The following SMG6 variants were observed in gnomAD, a reference collection of about 807,000 sequenced individuals.
SMG6 encodes the protein SMG6 nonsense mediated mRNA decay factor.
In SMG6, 66 loss-of-function variants were observed where a neutral mutation model predicts 142.2. The ratio of observed to expected loss-of-function variants is 0.46; its 90% CI spans 0.38 to 0.57. The LOEUF is 0.57. SMG6 is among the 20% of genes least tolerant of loss of function. SMG6 has a pLI of 0.00. For synonymous variants in SMG6, 779 were observed against 702.4 expected, an observed-to-expected ratio of 1.11 and a Z score of -1.72; for missense variants, 1,793 against 1,832.0, an observed-to-expected ratio of 0.98 and a Z score of 0.39.
chr17:2,191,879 T>C (rs1258103675), intron 10 of SMG6, among the ~76,000 whole-genome samples: 1 of 152,250 alleles, frequency 6.6e-6, no homozygotes, highest in African/African-American at 2.4e-5. Context: ...AAGGCTGCCA[T>C]GTGGCCGGAT....
chr17:2,137,256 T>C (rs769588315), intron 13 of SMG6, among the ~76,000 whole-genome samples: 1 of 152,042 alleles, frequency 6.6e-6, no homozygotes, highest in African/African-American at 2.4e-5. Context: ...ACCACACTAA[T>C]AGGTAGACAG....
At position 2,144,985 on chromosome 17, in the gene SMG6, C is replaced by T. The variant is rs560969923; in HGVS notation, c.3357+27673G>A. On this transcript the variant is annotated intron_variant, in intron 13 of 18. Transcript: ENST00000263073. ...AGAAATCATCAGGGCAAGCACCAGC[C>T]AGCTTTGGCACTCGCTTACTTTTCA... 2.0e-5 allele frequency among the ~76,000 whole-genome samples: 3 copies of T among 152,308 alleles called. No individual in the cohort carries two copies. The South Asian group carries it at 6.2e-4, about 32-fold the overall frequency.
intron 10 of SMG6, among the ~76,000 whole-genome samples, chr17:2,223,947 A>G (rs924446805): frequency 2.6e-5 from 4 of 152,198 alleles, no homozygotes; most frequent in Admixed American, 1.3e-4. Context: ...GAAAAGAAAG[A>G]AAGTCTGAGT....
In SMG6 at chr17:2,186,648, G is replaced by C. The variant is rs764139873; in HGVS notation, c.3155+15C>G. On this transcript the variant is annotated intron_variant, in intron 12 of 18. Transcript: ENST00000263073. The stretch of plus-strand genomic sequence containing the variant: ...CCAAGCCAGTGGTGCTGAAGCAATG[G>C]GCAGGTCAACTCACTGCGAGGGCAG... 6.2e-7 allele frequency: 1 copy of C among 1,613,904 alleles called. No homozygotes were observed. The highest frequency in any genetic ancestry group is 8.5e-7 in the Non-Finnish European group (1 of 1,179,836).
At chr17:2,256,972 G>T (rs12450275) in intron 8 of SMG6, among the ~76,000 whole-genome samples, 48 of 104,320 alleles carry the variant, frequency 4.6e-4, no homozygotes, top group Middle Eastern at 0.01. Context: ...ATGTATGTAT[G>T]TATTTATTTA....
chr17:2,068,827 C>T lies in SMG6; in HGVS notation c.3786G>A (p.Leu1262=), dbSNP rs1409013367. 6.2e-7 allele frequency: 1 copy of T among 1,614,096 alleles called. No individual in the cohort carries two copies. The highest frequency in any genetic ancestry group is 8.5e-7 in the Non-Finnish European group (1 of 1,180,038). ...ACTTCCTGCTCTCCAGCAGCCGCGCCAGACTGGCCAGGTGGTCAATGAAGC... is the reference window on the plus strand; with the variant it reads ...ACTTCCTGCTCTCCAGCAGCCGCGCTAGACTGGCCAGGTGGTCAATGAAGC... ...TNGFIDHLAS[L]ARLLESRKYI... Residue 1262 remains leucine, a synonymous_variant, in exon 16 of 19, where the codon CTG becomes CTA. Coordinates refer to ENST00000263073, the MANE Select transcript of SMG6 (RefSeq NM_017575.5). This position sits in a 1 kb window ranked among gnomAD's most constrained non-coding sequence, Gnocchi z 6.7.
chr17:2,130,192 G>A (rs1031606588), intron 13 of SMG6, among the ~76,000 whole-genome samples: 7 of 143,028 alleles, frequency 4.9e-5, no homozygotes, highest in African/African-American at 1.0e-4. Context: ...CCCGGGAAGC[G>A]GAGCTTGCAG....
At position 2,265,223 on chromosome 17, in the gene SMG6, T is replaced by C. The variant is rs540726002; in HGVS notation, c.2661+17424A>G. ...AACATCCTGCAAGGTCAGACCTGCA[T>C]AATGAAGAACTGTCGGCCGGGCACA... On this transcript the variant is annotated intron_variant, in intron 8 of 18. Transcript: ENST00000263073. Among the ~76,000 whole-genome samples the C allele has an allele frequency of 3.9e-5, 6 of 152,272 alleles. No homozygotes were observed. The South Asian group carries it at 1.0e-3, about 26-fold the overall frequency.
In SMG6 at chr17:2,212,956, AAC is replaced by A. The variant is rs2072908782; in HGVS notation, c.2869+23534_2869+23535del. On this transcript the variant is annotated intron_variant, in intron 10 of 18. Transcript: ENST00000263073. ...CCATTACATTTCTAGACAAAGAATT[AAC>A]AGTTTGTAGTGAGTGGGTTATCTGT... 2.6e-5 allele frequency among the ~76,000 whole-genome samples: 4 copies of A among 152,370 alleles called. No homozygotes were observed. In the South Asian group the frequency reaches 8.3e-4, roughly 32 times the overall value.
chr17:2,238,677 G>A (rs2073729516), intron 9 of SMG6, among the ~76,000 whole-genome samples: 1 of 152,202 alleles, frequency 6.6e-6, no homozygotes. Context: ...TGTCACGTGG[G>A]ACAGTTTTGC....
At chr17:2,129,793 CAAAAA>C (rs57556112) in intron 13 of SMG6, among the ~76,000 whole-genome samples, 6 of 56,330 alleles carry the variant, frequency 1.1e-4, no homozygotes, top group Admixed American at 5.8e-4. Flanking sequence ...GGCTCTGTCT[CAAAAA>C]AAAAAAAAAA....
chr17:2,088,750 G>C lies in SMG6; in HGVS notation c.3358-2849C>G, dbSNP rs1347447973. On this transcript the variant is annotated intron_variant, in intron 13 of 18. Coordinates refer to ENST00000263073, the MANE Select transcript of SMG6 (RefSeq NM_017575.5). ...TCTTTAGTAGATGGAGAAACTGAGA[G>C]GCAGAATGTCCAGGGCTTGCCCAGA... 5 of 985,252 alleles carry C rather than the reference G, an allele frequency of 5.1e-6. No individual in the cohort carries two copies. The East Asian group carries it at 5.7e-4, about 112-fold the overall frequency. The allele number at this position is 985,252 out of a possible 1,614,324, so 61.0% of individuals were successfully genotyped here. A position where few individuals can be genotyped will look rare whatever the true frequency, so the allele number is the denominator to read the frequency against.
At chr17:2,210,209 A>C (rs1253819435) in intron 10 of SMG6, among the ~76,000 whole-genome samples, 2 of 152,076 alleles carry the variant, frequency 1.3e-5, no homozygotes, top group Non-Finnish European at 2.9e-5. Context: ...CCTGCATGCA[A>C]ATATCCATCT....
intron 13 of SMG6, among the ~76,000 whole-genome samples, chr17:2,160,353 G>C (rs1043739395): frequency 9.9e-5 from 15 of 152,056 alleles, no homozygotes; most frequent in Non-Finnish European, 1.3e-4. Context: ...CCAAGTAGCT[G>C]GGATTACAGG....
chr17:2,230,109 C>T (rs1000229282), intron 10 of SMG6, among the ~76,000 whole-genome samples: 2 of 141,146 alleles, frequency 1.4e-5, no homozygotes, highest in African/African-American at 5.3e-5. Flanking sequence ...TCGCTTGAAC[C>T]CAGGAGGCAG....
intron 13 of SMG6, among the ~76,000 whole-genome samples, chr17:2,145,280 AT>A (rs113435292): frequency 2.6e-3 from 347 of 136,036 alleles, no homozygotes; most frequent in Middle Eastern, 3.6e-3. Flanking sequence ...CACCCAGCTA[AT>A]TTTTTTTTTT....
intron 8 of SMG6, among the ~76,000 whole-genome samples, chr17:2,250,355 C>A (rs1254858082): frequency 6.6e-6 from 1 of 151,636 alleles, no homozygotes; most frequent in Non-Finnish European, 1.5e-5. Context: ...AATTATTATT[C>A]TCTTATCTGT....
At chr17:2,138,712 C>T (rs1242354606) in intron 13 of SMG6, among the ~76,000 whole-genome samples, 2 of 152,172 alleles carry the variant, frequency 1.3e-5, no homozygotes, top group African/African-American at 4.8e-5. Flanking sequence ...TTTCCCCCAC[C>T]TCTCTCCCTC....
At chr17:2,118,024 C>G (rs1165047565) in intron 13 of SMG6, among the ~76,000 whole-genome samples, 1 of 152,118 alleles carries the variant, frequency 6.6e-6, no homozygotes, top group African/African-American at 2.4e-5. Context: ...AGGGGGATCA[C>G]TTGAGTTCAG....
Sources: gnomAD v4.1 joint callset for allele counts (sites outside exome capture counted in the v4.1 genomes callset) on GRCh38, gnomAD v4.1.1 for gene constraint, Gnocchi (gnomAD v3.1) non-coding constraint, MANE v1.5 for transcripts, NCBI Gene and HGNC (gene_info 2026-07-23, HGNC 2026-07-21) for gene names.